The following KRABD5 variants were observed in gnomAD, a reference collection of about 807,000 sequenced individuals.
KRABD5 encodes KRAB domain containing 5, also known as KRAB domain-containing protein 5.
At chr16:31,759,230 T>A in the KRABD5 span, 1 of 1,041,594 alleles carries the variant, frequency 9.6e-7, no homozygotes, top group Non-Finnish European at 1.4e-6. Flanking sequence ...GTATAGCTTT[T>A]AGAACAAAAT....
At chr16:31,716,997 G>GTTTTTT in the KRABD5 span, among the ~76,000 whole-genome samples, 50 of 81,138 alleles carry the variant, frequency 6.2e-4, no homozygotes, top group East Asian at 2.3e-3. Flanking sequence ...GTCAGTCTTT[G>GTTTTTT]TTTTTTTTTT....
At chr16:31,736,522 T>C in the KRABD5 span, among the ~76,000 whole-genome samples, 6 of 150,164 alleles carry the variant, frequency 4.0e-5, no homozygotes, top group African/African-American at 1.5e-4. Context: ...ATATTCTTTT[T>C]TTTTTTTTTT....
At chr16:31,743,205 GTCCTCAATA>G in the KRABD5 span, among the ~76,000 whole-genome samples, 3 of 152,132 alleles carry the variant, frequency 2.0e-5, no homozygotes, top group African/African-American at 7.2e-5. Context: ...CCATGTCTAT[GTCCTCAATA>G]GTATTGCCAA....
the KRABD5 span, chr16:31,759,132 A>C: frequency 2.4e-6 from 1 of 416,724 alleles, no homozygotes; most frequent in East Asian, 3.9e-5. Flanking sequence ...TAAAATATTT[A>C]TTTGCACAAT....
the KRABD5 span, among the ~76,000 whole-genome samples, chr16:31,740,529 T>G: frequency 6.6e-6 from 1 of 152,144 alleles, no homozygotes; most frequent in African/African-American, 2.4e-5. Flanking sequence ...GATATTTTGC[T>G]AGGCAGAGTG....
At chr16:31,746,715 G>C in the KRABD5 span, among the ~76,000 whole-genome samples, 5 of 152,154 alleles carry the variant, frequency 3.3e-5, no homozygotes, top group Non-Finnish European at 5.9e-5. Context: ...ATGTTTTCCA[G>C]CTTGTTTCCA....
At chr16:31,748,858 CG>C in the KRABD5 span, among the ~76,000 whole-genome samples, 1 of 152,068 alleles carries the variant, frequency 6.6e-6, no homozygotes, top group East Asian at 1.9e-4. Context: ...CTCTGAACTC[CG>C]GGGGGCACCA....
the KRABD5 span, chr16:31,722,529 A>G: frequency 7.1e-7 from 1 of 1,401,462 alleles, no homozygotes; most frequent in Non-Finnish European, 9.9e-7. Context: ...CATATAAATC[A>G]GTCAGTTTTC....
At chr16:31,731,475 A>T in the KRABD5 span, among the ~76,000 whole-genome samples, 3 of 152,134 alleles carry the variant, frequency 2.0e-5, no homozygotes, top group Non-Finnish European at 2.9e-5. Flanking sequence ...GCTCCTGCGG[A>T]GTCTCTGGGA....
chr16:31,753,976 C>T, the KRABD5 span: 1 of 1,510,958 alleles, frequency 6.6e-7, no homozygotes, highest in Non-Finnish European at 9.0e-7. Context: ...AAAAACCTCA[C>T]TGTTACAGGA....
chr16:31,736,515 T>A, the KRABD5 span, among the ~76,000 whole-genome samples: 1 of 98,912 alleles, frequency 1.0e-5, no homozygotes, highest in Non-Finnish European at 2.2e-5. Flanking sequence ...TTTAATAATA[T>A]TCTTTTTTTT....
chr16:31,736,711 G>T, the KRABD5 span, among the ~76,000 whole-genome samples: 1 of 151,516 alleles, frequency 6.6e-6, no homozygotes, highest in Non-Finnish European at 1.5e-5. Context: ...ATAGAGACAG[G>T]GTTTCACCAT....
chr16:31,715,955 G>A, the KRABD5 span, among the ~76,000 whole-genome samples: 1 of 152,244 alleles, frequency 6.6e-6, no homozygotes, highest in Middle Eastern at 3.4e-3. Flanking sequence ...GACAGAAAGG[G>A]AAGAAGTTCT....
At chr16:31,722,713 G>A in the KRABD5 span, 1 of 1,611,926 alleles carries the variant, frequency 6.2e-7, no homozygotes, top group Non-Finnish European at 8.5e-7. Context: ...TTTATATGGG[G>A]ATGTGATGTT....
the KRABD5 span, among the ~76,000 whole-genome samples, chr16:31,727,068 T>A: frequency 1.3e-5 from 2 of 152,224 alleles, no homozygotes; most frequent in Non-Finnish European, 2.9e-5. Flanking sequence ...TTTGCTTAAC[T>A]TTTTTTCTCA....
the KRABD5 span, chr16:31,755,465 T>C: frequency 8.6e-6 from 4 of 467,140 alleles, no homozygotes; most frequent in Admixed American, 9.4e-5. Context: ...AGTAAAACTT[T>C]ACAAATGTAA....
the KRABD5 span, chr16:31,753,923 A>ATAT: frequency 6.4e-7 from 1 of 1,550,916 alleles, no homozygotes; most frequent in Non-Finnish European, 8.7e-7. Flanking sequence ...GTCACAATGG[A>ATAT]TATTATGATG....
the KRABD5 span, chr16:31,754,251 G>A: frequency 1.1e-5 from 7 of 641,908 alleles, no homozygotes; most frequent in Non-Finnish European, 1.9e-5. Context: ...TCAATTTGAT[G>A]GATCTTTGTT....
the KRABD5 span, among the ~76,000 whole-genome samples, chr16:31,748,272 G>C: frequency 2.0e-5 from 3 of 152,190 alleles, no homozygotes; most frequent in South Asian, 2.1e-4. Context: ...TCTAGTTTTT[G>C]TCAGGTTTGT....
Sources: allele counts gnomAD v4.1 joint callset (sites outside exome capture counted in the v4.1 genomes callset), GRCh38; gene constraint gnomAD v4.1.1; transcripts MANE v1.5; gene names NCBI Gene and HGNC (gene_info 2026-07-23, HGNC 2026-07-21).